The following INKA2 variants were observed in gnomAD, a reference collection of about 807,000 sequenced individuals.
INKA2 encodes the protein inka box actin regulator 2.
Under a neutral mutation model 9.8 loss-of-function variants are expected in INKA2, and 3 were observed. The ratio of observed to expected loss-of-function variants is 0.31; its 90% confidence interval spans 0.14 to 0.79. INKA2 has a LOEUF of 0.79. INKA2 is among the 30% of genes least tolerant of loss of function. The pLI is 0.62. For synonymous variants in INKA2, 147 were observed against 143.3 expected, an observed-to-expected ratio of 1.03 and a Z score of -0.18; for missense variants, 392 against 384.4, an observed-to-expected ratio of 1.02 and a Z score of -0.17.
intron 1 of INKA2, among the ~76,000 whole-genome samples, chr1:111,735,688 CT>C (rs1662995015): frequency 6.6e-6 from 1 of 152,142 alleles, no homozygotes; most frequent in Middle Eastern, 3.2e-3. Flanking sequence ...GGAAATTTGC[CT>C]TTTTGCCCCA....
chr1:111,753,926 C>G (rs1663464311), intron 1 of INKA2: 1 of 152,246 alleles, frequency 6.6e-6, no homozygotes, highest in Non-Finnish European at 1.5e-5. Flanking sequence ...TCAAAAGGAG[C>G]AGGATCTGGA....
intron 1 of INKA2, among the ~76,000 whole-genome samples, chr1:111,750,601 GAAAGCA>G (rs1663385792): frequency 3.9e-5 from 6 of 152,180 alleles, no homozygotes; most frequent in Admixed American, 1.3e-4. Flanking sequence ...CTGGCACTTG[GAAAGCA>G]GTGTACCAAC....
chr1:111,737,664 A>G (rs977452319), intron 1 of INKA2, among the ~76,000 whole-genome samples: 9 of 152,214 alleles, frequency 5.9e-5, no homozygotes, highest in Non-Finnish European at 1.3e-4. Flanking sequence ...TGTGCAAACG[A>G]CTATGGGAAG....
Position 111,725,956 on chromosome 1 carries a change from T to G in INKA2, c.*1012A>C, listed in dbSNP as rs997462793. 1.0e-5 allele frequency: 4 copies of G among 391,588 alleles called. No homozygotes were observed. The Admixed American group carries it at 1.8e-4, about 17-fold the overall frequency. The allele number at this position is 391,588 out of a possible 1,614,324, so 24.3% of individuals were successfully genotyped here. A position where few individuals can be genotyped will look rare whatever the true frequency, so the allele number is the denominator to read the frequency against. ...TTCACCATGTTGGCCAGGCTGGTCATGAACTCCTGACCCCAGGTAATCCGC... is the reference window on the plus strand; with the variant it reads ...TTCACCATGTTGGCCAGGCTGGTCAGGAACTCCTGACCCCAGGTAATCCGC... On this transcript the variant is annotated 3_prime_UTR_variant, in exon 2 of 2. Coordinates refer to ENST00000357260, the MANE Select transcript of INKA2 (RefSeq NM_019099.5).
chr1:111,738,910 G>C (rs1663071118), intron 1 of INKA2, among the ~76,000 whole-genome samples: 1 of 152,174 alleles, frequency 6.6e-6, no homozygotes, highest in African/African-American at 2.4e-5. Context: ...CTTCTCTCTG[G>C]GGTTCTCTGT....
intron 1 of INKA2, among the ~76,000 whole-genome samples, chr1:111,752,132 C>T (rs916453949): frequency 2.0e-5 from 3 of 152,178 alleles, no homozygotes; most frequent in Non-Finnish European, 2.9e-5. Flanking sequence ...ATGACTGGAA[C>T]TACAGCAACT....
intron 1 of INKA2, chr1:111,755,458 G>A: frequency 1.8e-6 from 1 of 555,908 alleles, no homozygotes; most frequent in Non-Finnish European, 3.1e-6. Flanking sequence ...GGAGCAGCGA[G>A]TCAGGGTACG....
chr1:111,722,821 C>T lies in INKA2; in HGVS notation c.*4147G>A, dbSNP rs1662677261. 3 of 462,792 alleles carry T rather than the reference C, an allele frequency of 6.5e-6. No individual in the cohort carries two copies. The highest frequency in any genetic ancestry group is 7.7e-6 in the Non-Finnish European group (2 of 260,908). The allele number at this position is 462,792 out of a possible 1,614,324, so 28.7% of individuals were successfully genotyped here. ...CCAACGCTCAGAGAAAGCACTTTTT[C>T]TTAAGCACTTTTGCCTTGGGTCACA... On this transcript the variant is annotated 3_prime_UTR_variant, in exon 2 of 2. Transcript: ENST00000357260.
chr1:111,728,070 C>CACACACACACACACACACACAT (rs1184555425), intron 1 of INKA2, among the ~76,000 whole-genome samples: 6,917 of 148,058 alleles, frequency 0.047, 237 homozygotes, highest in Non-Finnish European at 0.062. Flanking sequence ...CACACACACA[C>CACACACACACACACACACACAT]ACAGACATTT....
In INKA2 at chr1:111,724,152, T is replaced by C. The variant is rs1438630576; in HGVS notation, c.*2816A>G. ...AAATCATGTTGGCAGCAAGTGTTGCTTCCTAATTTTTTGTTCTGGCCCAAG... is the reference window on the plus strand; with the variant it reads ...AAATCATGTTGGCAGCAAGTGTTGCCTCCTAATTTTTTGTTCTGGCCCAAG... On this transcript the variant is annotated 3_prime_UTR_variant, in exon 2 of 2. Coordinates refer to ENST00000357260, the MANE Select transcript of INKA2 (RefSeq NM_019099.5). 6.6e-6 allele frequency: 1 copy of C among 152,232 alleles called. No individual in the cohort carries two copies. The highest frequency in any genetic ancestry group is 1.5e-5 in the Non-Finnish European group (1 of 68,038). The allele number at this position is 152,232 out of a possible 1,614,324, so 9.4% of individuals were successfully genotyped here. A position where few individuals can be genotyped will look rare whatever the true frequency, so the allele number is the denominator to read the frequency against.
intron 1 of INKA2, chr1:111,744,481 G>A (rs1345780522): frequency 6.6e-6 from 1 of 152,122 alleles, no homozygotes; most frequent in African/African-American, 2.4e-5. Context: ...GAAAGCAGGA[G>A]GGATGTGCCC....
chr1:111,739,927 GC>G (rs34400823), upstream of INKA2: 6,118 of 152,376 alleles, frequency 0.04, 153 homozygotes, highest in East Asian at 0.073. Flanking sequence ...CAGAGACGCC[GC>G]CGCTTGGCCG....
chr1:111,728,616 T>C (rs976574093), intron 1 of INKA2, among the ~76,000 whole-genome samples: 1 of 152,216 alleles, frequency 6.6e-6, no homozygotes, highest in African/African-American at 2.4e-5. Flanking sequence ...CCTGACCTCA[T>C]GTGACAAGCG....
rs1662804797 is a variant in INKA2, at chr1:111,727,356, C to A, written c.506G>T (p.Trp169Leu). The change falls in exon 2 of 2, where the codon TGG becomes TTG. Residue 169 changes from tryptophan to leucine, a missense_variant. By Grantham distance (61) the Trp-to-Leu change is moderately conservative (BLOSUM62 -2). Coordinates refer to ENST00000357260, the MANE Select transcript of INKA2 (RefSeq NM_019099.5). ...CTTCTCCAGTTCTGGCAAGTCTAGC[C>A]AATTGCCCACCAGGTCTGCAAAAAC... is the stretch of plus-strand genomic sequence containing the variant. ...DNVFADLVGN[W>L]LDLPELEKGG... The A allele has an allele frequency of 6.2e-7, 1 of 1,614,068 alleles. No homozygotes were observed. The highest frequency in any genetic ancestry group is 2.2e-5 in the East Asian group (1 of 44,882).
At position 111,730,632 on chromosome 1, in the gene INKA2, AC is replaced by A. The variant is rs371226683; in HGVS notation, c.58-2829del. Among the ~76,000 whole-genome samples the A allele has an allele frequency of 4.8e-3, 736 of 152,094 alleles. 7 individuals are homozygous for A. The highest frequency in any genetic ancestry group is 0.017 in the African/African-American group (706 of 41,492). ...GGAATATCCCTACTCCCTGAGACGT[AC>A]CCCCCATGCTCCTGTTAGAAATCTT... On this transcript the variant is annotated intron_variant, in intron 1 of 1. Coordinates refer to ENST00000357260, the MANE Select transcript of INKA2 (RefSeq NM_019099.5).
intron 1 of INKA2, chr1:111,747,129 A>T (rs1663291938): frequency 1.3e-5 from 2 of 152,362 alleles, no homozygotes; most frequent in Admixed American, 1.3e-4. Context: ...CCCCCAGGCA[A>T]GACCTCCTTC....
chr1:111,741,021 CAG>C (rs762340487), upstream of INKA2, among the ~76,000 whole-genome samples: 16 of 93,088 alleles, frequency 1.7e-4, 1 homozygote, highest in African/African-American at 3.8e-4. Flanking sequence ...AAAAAAAAGA[CAG>C]GGGAGAGGAA....
At chr1:111,755,734 G>C in exon 1 of INKA2, 1 of 1,613,928 alleles carries the variant, frequency 6.2e-7, no homozygotes, top group Middle Eastern at 1.7e-4. Flanking sequence ...TCCCTCTTGG[G>C]GCTTTCCTCA....
At position 111,725,425 on chromosome 1, in the gene INKA2, G is replaced by C. The variant is rs197430; in HGVS notation, c.*1543C>G. 103,013 of 152,082 alleles carry C rather than the reference G, an allele frequency of 0.68. 35,051 individuals are homozygous for C. The highest frequency in any genetic ancestry group is 0.76 in the South Asian group (3,663 of 4,818). 9.4% of individuals were successfully genotyped at this position (152,082 alleles called of 1,614,324 possible). On this transcript the variant is annotated 3_prime_UTR_variant, in exon 2 of 2. Coordinates refer to ENST00000357260, the MANE Select transcript of INKA2 (RefSeq NM_019099.5). ...CTTCCCAGGGCAGTCCTGGGGGGGG[G>C]CCTGGATCACTAGGTGGCCCTCCTG...
Sources: gnomAD v4.1 joint callset for allele counts (sites outside exome capture counted in the v4.1 genomes callset) on GRCh38, gnomAD v4.1.1 for gene constraint, MANE v1.5 for transcripts, NCBI Gene and HGNC (gene_info 2026-07-23, HGNC 2026-07-21) for gene names.